The following FOCAD variants were observed in gnomAD, a reference collection of about 807,000 sequenced individuals.
The protein encoded by FOCAD is focadhesin.
FOCAD carries 198 observed loss-of-function variants against 225.6 expected under a neutral mutation model. The observed-to-expected ratio is 0.88, with a 90% CI of 0.78 to 0.99. FOCAD has a LOEUF of 0.99. FOCAD is among the 50% of genes least tolerant of loss of function. The pLI is 0.00. For missense variants in FOCAD, 2,713 were observed against 2,123.6 expected, an observed-to-expected ratio of 1.28 and a Z score of -5.46; for synonymous variants, 897 against 755.0, an observed-to-expected ratio of 1.19 and a Z score of -3.08.
intron 1 of FOCAD, among the ~76,000 whole-genome samples, chr9:20,690,310 C>T (rs914295104): frequency 3.9e-5 from 6 of 152,146 alleles, no homozygotes; most frequent in African/African-American, 7.2e-5. Flanking sequence ...TGGATTATTC[C>T]GTTCATTATG....
At chr9:20,964,226 G>A (rs549866351) in intron 35 of FOCAD, among the ~76,000 whole-genome samples, 118 of 152,090 alleles carry the variant, frequency 7.8e-4, no homozygotes, top group African/African-American at 2.7e-3. Flanking sequence ...AATTAGCCAG[G>A]TATGGTGGTG....
intron 43 of FOCAD, among the ~76,000 whole-genome samples, 196 bp downstream of exon 43, chr9:20,993,524 C>G (rs1480488401): frequency 1.3e-5 from 2 of 152,088 alleles, no homozygotes; most frequent in Non-Finnish European, 2.9e-5. Flanking sequence ...GGGGATGGAA[C>G]CCAAGTCTAA....
chr9:20,951,234 G>C, intron 34 of FOCAD, 136 bp downstream of exon 34: 1 of 673,820 alleles, frequency 1.5e-6, no homozygotes, highest in South Asian at 1.9e-5. Context: ...ACGTCAGAGG[G>C]AAATGGTGTA....
At chr9:20,923,226 A>G (rs953514359) in intron 24 of FOCAD, among the ~76,000 whole-genome samples, 1 of 152,188 alleles carries the variant, frequency 6.6e-6, no homozygotes, top group Non-Finnish European at 1.5e-5. Flanking sequence ...CCAGTTCAAC[A>G]TACCGGTGCT....
At position 20,775,943 on chromosome 9, in the gene FOCAD, C is replaced by T. The variant is rs1031746141; in HGVS notation, c.907-2738C>T. On this transcript the variant is annotated intron_variant, in intron 8 of 43. Transcript: ENST00000338382. ...TTTATTTATTTATTTTATTTTCAGG[C>T]TCTGAGTTAGCCTGAGTTTCCCTAA... Among the ~76,000 whole-genome samples, 3 of 151,502 alleles carry T rather than the reference C, an allele frequency of 2.0e-5. No individual in the cohort carries two copies. The South Asian group carries it at 6.3e-4, about 32-fold the overall frequency.
chr9:20,807,379 C>G (rs1822572561), intron 11 of FOCAD, among the ~76,000 whole-genome samples: 1 of 152,200 alleles, frequency 6.6e-6, no homozygotes, highest in African/African-American at 2.4e-5. Flanking sequence ...AAAAAGGAGA[C>G]AGAGAATAGT....
Position 20,694,060 on chromosome 9 carries a change from C to A in FOCAD, c.-33+9767C>A, listed in dbSNP as rs552797379. Among the ~76,000 whole-genome samples, 11 of 152,300 alleles carry A rather than the reference C, an allele frequency of 7.2e-5. No individual in the cohort carries two copies. The South Asian group carries it at 2.3e-3, about 32-fold the overall frequency. On this transcript the variant is annotated intron_variant, in intron 1 of 43. Coordinates refer to ENST00000338382, the MANE Select transcript of FOCAD (RefSeq NM_001375567.1). Reference sequence around the variant, plus strand: ...TTCTAGACCAAGTATTCTTCCACATCCAGACTCTAATTTATTCTTTGCAAG... The same window carrying A: ...TTCTAGACCAAGTATTCTTCCACATACAGACTCTAATTTATTCTTTGCAAG...
rs74718607 is a variant in FOCAD at position 20,789,306 on chromosome 9, A to G, written c.1198-45A>G. ...TGCCAGAAACATATTTCTGACAAATATATTTATCTCACTTATTTATGCCTC... is the reference window on the plus strand; with the variant it reads ...TGCCAGAAACATATTTCTGACAAATGTATTTATCTCACTTATTTATGCCTC... On this transcript the variant is annotated intron_variant, in intron 10 of 43. Coordinates refer to ENST00000338382, the MANE Select transcript of FOCAD (RefSeq NM_001375567.1). 2.2e-3 allele frequency: 3,514 copies of G among 1,584,294 alleles called. 63 individuals carry two copies. The East Asian group carries it at 0.037, about 17-fold the overall frequency.
At chr9:20,812,079 A>T (rs1823136069) in intron 11 of FOCAD, among the ~76,000 whole-genome samples, 1 of 152,024 alleles carries the variant, frequency 6.6e-6, no homozygotes, top group Non-Finnish European at 1.5e-5. Flanking sequence ...GCATTTGTTG[A>T]ATCTAAGGCT....
intron 8 of FOCAD, among the ~76,000 whole-genome samples, chr9:20,777,850 C>T (rs13293125): frequency 0.3 from 46,190 of 151,782 alleles, 7,985 homozygotes; most frequent in Non-Finnish European, 0.39. Context: ...CGCCTGTAAT[C>T]CCAGCACTTT....
chr9:20,757,905 G>T (rs377297466), intron 5 of FOCAD, among the ~76,000 whole-genome samples, 185 bp from the exon 6 acceptor site: 1 of 152,134 alleles, frequency 6.6e-6, no homozygotes, highest in Non-Finnish European at 1.5e-5. Flanking sequence ...GAAAAGGCAG[G>T]GGGGAGAGTC....
intron 6 of FOCAD, among the ~76,000 whole-genome samples, chr9:20,764,330 T>C (rs1227723214): frequency 6.6e-6 from 1 of 152,188 alleles, no homozygotes; most frequent in Non-Finnish European, 1.5e-5. Flanking sequence ...CTTGGCTCAC[T>C]GCAACCTCTG....
At chr9:20,755,878 T>C (rs1262601655) in intron 5 of FOCAD, among the ~76,000 whole-genome samples, 1 of 152,100 alleles carries the variant, frequency 6.6e-6, no homozygotes, top group Non-Finnish European at 1.5e-5. Flanking sequence ...CAGGCTGATG[T>C]CAAATCCCTG....
At chr9:20,871,008 G>A (rs968474178) in intron 18 of FOCAD, among the ~76,000 whole-genome samples, 8 of 152,030 alleles carry the variant, frequency 5.3e-5, no homozygotes, top group African/African-American at 1.9e-4. Context: ...TTTGAGACCA[G>A]CCTGGCCAGC....
At chr9:20,680,748 C>G (rs1313887834), upstream of FOCAD, among the ~76,000 whole-genome samples, 2 of 152,096 alleles carry the variant, frequency 1.3e-5, no homozygotes, top group Non-Finnish European at 2.9e-5. Flanking sequence ...GGGAGGATAA[C>G]TTGAGGCCAG....
At chr9:20,946,139 C>T (rs1440896222) in intron 29 of FOCAD, among the ~76,000 whole-genome samples, 1 of 151,952 alleles carries the variant, frequency 6.6e-6, no homozygotes, top group Non-Finnish European at 1.5e-5. Flanking sequence ...ATTAAGTTCC[C>T]ACACTAGTGC....
rs1587697729 is a variant in FOCAD, at chr9:20,948,931, A to G, written c.3876+3A>G. 6.2e-7 allele frequency: 1 copy of G among 1,613,052 alleles called. No individual in the cohort carries two copies. Among genetic ancestry groups the G allele is most frequent in the Non-Finnish European group, 8.5e-7 (1 of 1,179,146 alleles). On this transcript the variant is annotated splice_donor_region_variant and intron_variant, in intron 32 of 43. Transcript: ENST00000338382. ...GCTCTGAAGGGGATGTAATGCAGGT[A>G]AAGAAAGGAACCATGGAGGGGAAGA...
chr9:20,922,113 A>G (rs900863234), intron 24 of FOCAD, among the ~76,000 whole-genome samples: 9 of 152,228 alleles, frequency 5.9e-5, no homozygotes, highest in African/African-American at 2.2e-4. Context: ...AAATGATTTT[A>G]TGGCTAGGGC....
chr9:20,783,164 A>G (rs1375999458), intron 10 of FOCAD, among the ~76,000 whole-genome samples: 1 of 152,138 alleles, frequency 6.6e-6, no homozygotes, highest in Non-Finnish European at 1.5e-5. Context: ...CCCAACTCTA[A>G]TACATAAGTA....
Sources: allele counts gnomAD v4.1 joint callset (sites outside exome capture counted in the v4.1 genomes callset), GRCh38; gene constraint gnomAD v4.1.1; transcripts MANE v1.5; gene names NCBI Gene and HGNC (gene_info 2026-07-23, HGNC 2026-07-21).